BACE2: variants seen among roughly 807,000 people sequenced by gnomAD.
BACE2 encodes 56 kDa aspartic-like protease.
Under a neutral mutation model 46.2 loss-of-function variants are expected in BACE2, and 17 were observed. The ratio of observed to expected loss-of-function variants is 0.37; its 90% CI spans 0.25 to 0.55. The LOEUF (loss-of-function observed/expected upper bound fraction) is 0.55. Among genes scored for constraint, BACE2 ranks in the 20% least tolerant of loss-of-function variants. The probability of loss-of-function intolerance (pLI) is 0.82; values close to 1 mark genes in which losing one functional copy is unlikely to be tolerated. For missense variants in BACE2, 595 were observed against 698.1 expected, an observed-to-expected ratio of 0.85 and a Z score of 1.66; for synonymous variants, 277 against 295.9, an observed-to-expected ratio of 0.94 and a Z score of 0.66.
chr21:41,181,518 G>A (rs185344424), intron 1 of BACE2: 67 of 167,158 alleles, frequency 4.0e-4, no homozygotes, highest in Admixed American at 2.9e-3. Flanking sequence ...TTACCTCCCC[G>A]TGGTCTTGGA....
intron 2 of BACE2, among the ~76,000 whole-genome samples, chr21:41,229,662 C>G (rs1202315400): frequency 6.6e-6 from 1 of 152,238 alleles, no homozygotes; most frequent in Non-Finnish European, 1.5e-5. Flanking sequence ...TTTCTCAGCT[C>G]CCTTCAACTG....
intron 1 of BACE2, among the ~76,000 whole-genome samples, chr21:41,204,500 C>T (rs946202078): frequency 4.6e-5 from 7 of 152,174 alleles, no homozygotes; most frequent in Admixed American, 2.6e-4. Context: ...CCAGTGCCCA[C>T]GGAGAGGGGC....
intron 1 of BACE2, among the ~76,000 whole-genome samples, chr21:41,225,233 CAAA>C (rs145113710): frequency 1.7e-5 from 2 of 119,152 alleles, no homozygotes; most frequent in Non-Finnish European, 1.8e-5. Context: ...GACTCCATCT[CAAA>C]AAAAAAAAAA....
chr21:41,207,981 C>T (rs1393499323), intron 1 of BACE2, among the ~76,000 whole-genome samples: 1 of 152,224 alleles, frequency 6.6e-6, no homozygotes, highest in Non-Finnish European at 1.5e-5. Flanking sequence ...TTGCCTGATT[C>T]TGGCCCTGGT....
Position 41,242,275 on chromosome 21 carries a change from G to A in BACE2, c.747+328G>A, listed in dbSNP as rs117807817. On this transcript the variant is annotated intron_variant, in intron 4 of 8. Transcript: ENST00000330333. ...GGGGGCGTGGTGAGTGGACCTGACT[G>A]TGGGTAGGGGGCCAAAGGAGAGTTC... 3.6e-3 allele frequency among the ~76,000 whole-genome samples: 542 copies of A among 152,002 alleles called. 10 individuals carry two copies. In the East Asian group the frequency reaches 0.067, roughly 19 times the overall value.
intron 2 of BACE2, among the ~76,000 whole-genome samples, chr21:41,235,020 C>A (rs552545979): frequency 1.3e-5 from 2 of 152,156 alleles, no homozygotes; most frequent in Non-Finnish European, 2.9e-5. Context: ...TATTCTGTAC[C>A]CCATTATGAA....
chr21:41,243,770 A>G (rs896362854), intron 5 of BACE2, among the ~76,000 whole-genome samples: 1 of 152,234 alleles, frequency 6.6e-6, no homozygotes, highest in Admixed American at 6.5e-5. Context: ...GAAGAGGACT[A>G]TCTGAGCTAC....
intron 7 of BACE2, among the ~76,000 whole-genome samples, chr21:41,256,457 A>T (rs1017834686): frequency 5.3e-5 from 8 of 152,304 alleles, no homozygotes; most frequent in East Asian, 3.9e-4. Flanking sequence ...TCCATGGTAT[A>T]TATGAAGGCA....
At chr21:41,236,395 C>T (rs1051337644) in intron 2 of BACE2, among the ~76,000 whole-genome samples, 1 of 152,194 alleles carries the variant, frequency 6.6e-6, no homozygotes, top group Admixed American at 6.5e-5. Context: ...CGTCCCGTAA[C>T]CACCATTCCC....
intron 8 of BACE2, among the ~76,000 whole-genome samples, chr21:41,263,577 A>G (rs1403563398): frequency 2.6e-5 from 4 of 152,302 alleles, no homozygotes; most frequent in Admixed American, 6.5e-5. Context: ...TTTTGCCTCA[A>G]TTCCGAATCA....
At chr21:41,218,228 A>G (rs1986533873) in intron 1 of BACE2, among the ~76,000 whole-genome samples, 1 of 152,222 alleles carries the variant, frequency 6.6e-6, no homozygotes, top group Non-Finnish European at 1.5e-5. Flanking sequence ...CCAAGGAGAA[A>G]AAGTCACGTG....
chr21:41,271,081 G>T (rs904477002), intron 8 of BACE2, among the ~76,000 whole-genome samples: 3 of 152,092 alleles, frequency 2.0e-5, no homozygotes, highest in South Asian at 4.1e-4. Context: ...TAATTTTTTT[G>T]ATCTGTATCT....
intron 8 of BACE2, among the ~76,000 whole-genome samples, chr21:41,269,055 A>C (rs936491098): frequency 6.6e-6 from 1 of 151,988 alleles, no homozygotes; most frequent in Non-Finnish European, 1.5e-5. Flanking sequence ...CCCGGGTTCA[A>C]GGGATTCTCC....
chr21:41,196,560 G>A (rs955993768), intron 1 of BACE2, among the ~76,000 whole-genome samples: 1 of 151,710 alleles, frequency 6.6e-6, no homozygotes, highest in African/African-American at 2.4e-5. Flanking sequence ...AGTGAGAATA[G>A]CAAGGTAGAG....
chr21:41,237,322 T>C (rs1366327438), intron 2 of BACE2, among the ~76,000 whole-genome samples, 191 bp from the exon 3 acceptor site: 1 of 152,146 alleles, frequency 6.6e-6, no homozygotes, highest in African/African-American at 2.4e-5. Context: ...GATGTGTGCC[T>C]GTATTCCCAG....
chr21:41,262,498 C>T (rs957695834), intron 8 of BACE2, among the ~76,000 whole-genome samples: 2 of 152,056 alleles, frequency 1.3e-5, no homozygotes, highest in African/African-American at 4.8e-5. Flanking sequence ...TATTCTTCCT[C>T]AGAGTTCTCT....
At chr21:41,255,229 C>A (rs926341385) in intron 7 of BACE2, among the ~76,000 whole-genome samples, 1 of 152,130 alleles carries the variant, frequency 6.6e-6, no homozygotes, top group Admixed American at 6.5e-5. Flanking sequence ...GGCAGGCAGG[C>A]GGACACAAGC....
At chr21:41,250,187 A>C (rs1002261695) in intron 6 of BACE2, among the ~76,000 whole-genome samples, 9 of 152,138 alleles carry the variant, frequency 5.9e-5, no homozygotes, top group African/African-American at 2.2e-4. Context: ...TTACAAGAAG[A>C]AGCCAGGGAG....
At chr21:41,248,383 A>G (rs924706224) in intron 6 of BACE2, among the ~76,000 whole-genome samples, 1 of 152,184 alleles carries the variant, frequency 6.6e-6, no homozygotes, top group Admixed American at 6.5e-5. Context: ...TGAGCTCCCC[A>G]GGCCAGTCAC....
Sources: gnomAD v4.1 joint callset for allele counts (sites outside exome capture counted in the v4.1 genomes callset) on GRCh38, gnomAD v4.1.1 for gene constraint, MANE v1.5 for transcripts, NCBI Gene and HGNC (gene_info 2026-07-23, HGNC 2026-07-21) for gene names.